The following PBX3 variants were observed in gnomAD, a reference collection of about 807,000 sequenced individuals.
PBX3 encodes PBX homeobox 3.
Under a neutral mutation model 48.5 loss-of-function variants are expected in PBX3, and 14 were observed. The ratio of observed to expected loss-of-function variants is 0.29; its 90% CI spans 0.19 to 0.45. The LOEUF (loss-of-function observed/expected upper bound fraction) is 0.45. Ranked by LOEUF, PBX3 falls within the 20% of genes least tolerant of loss-of-function variation. PBX3 has a pLI of 1.00. For missense variants in PBX3, 386 were observed against 546.7 expected (o/e 0.71, Z 2.93); for synonymous variants, 210 against 200.3 (o/e 1.05, Z -0.41).
At chr9:125,840,425 A>G (rs976495540) in intron 2 of PBX3, among the ~76,000 whole-genome samples, 4 of 151,590 alleles carry the variant, frequency 2.6e-5, no homozygotes, top group South Asian at 2.1e-4. Context: ...GTGTAGTAAC[A>G]TATTTTTTTC....
At chr9:125,748,798 C>G in intron 2 of PBX3, 175 bp downstream of exon 2, 2 of 515,856 alleles carry the variant, frequency 3.9e-6, no homozygotes, top group Non-Finnish European at 7.0e-6. Flanking sequence ...GTCAATTTCT[C>G]AGTTCTGCTC....
chr9:125,944,658 A>G (rs925910287), intron 5 of PBX3, among the ~76,000 whole-genome samples: 2 of 152,214 alleles, frequency 1.3e-5, no homozygotes, highest in African/African-American at 4.8e-5. Flanking sequence ...AGAAGGATGA[A>G]TAAGACTTTG....
intron 4 of PBX3, among the ~76,000 whole-genome samples, chr9:125,933,939 T>C (rs1841776189): frequency 6.6e-6 from 1 of 152,144 alleles, no homozygotes; most frequent in African/African-American, 2.4e-5. Context: ...CGGGACCTTG[T>C]CTTTCTTTTC....
intron 2 of PBX3, among the ~76,000 whole-genome samples, chr9:125,836,009 G>A (rs1839123000): frequency 6.6e-6 from 1 of 152,206 alleles, no homozygotes; most frequent in African/African-American, 2.4e-5. Context: ...ATAGTGGAAT[G>A]TTATTTAGCC....
chr9:125,883,476 A>G (rs1324711699), intron 2 of PBX3, among the ~76,000 whole-genome samples: 2 of 152,200 alleles, frequency 1.3e-5, no homozygotes, highest in Non-Finnish European at 2.9e-5. Flanking sequence ...CAAGTTGGTA[A>G]CCTTCTTTAT....
At chr9:125,806,455 G>A (rs1245567324) in intron 2 of PBX3, among the ~76,000 whole-genome samples, 5 of 152,198 alleles carry the variant, frequency 3.3e-5, no homozygotes, top group African/African-American at 7.2e-5. Flanking sequence ...TGTCTGGTCA[G>A]GGCCAGGCTT....
intron 2 of PBX3, among the ~76,000 whole-genome samples, chr9:125,827,981 T>A (rs1838856419): frequency 6.6e-6 from 1 of 152,152 alleles, no homozygotes; most frequent in Non-Finnish European, 1.5e-5. Flanking sequence ...TTTGGAAGGA[T>A]CAGAAACTAA....
intron 2 of PBX3, among the ~76,000 whole-genome samples, chr9:125,789,812 A>G (rs1043913996): frequency 1.3e-5 from 2 of 152,110 alleles, no homozygotes; most frequent in African/African-American, 2.4e-5. Flanking sequence ...AAATATTCCT[A>G]TTGTGGCTAT....
chr9:125,804,097 C>A (rs1838048750), intron 2 of PBX3, among the ~76,000 whole-genome samples: 1 of 152,134 alleles, frequency 6.6e-6, no homozygotes, highest in African/African-American at 2.4e-5. Context: ...TGTCAGTAGC[C>A]TACTCTCAGA....
intron 2 of PBX3, among the ~76,000 whole-genome samples, chr9:125,877,990 A>G (rs1445350911): frequency 2.0e-5 from 3 of 152,180 alleles, no homozygotes; most frequent in Non-Finnish European, 2.9e-5. Context: ...TAGCAGCTTT[A>G]TATTCCATTC....
chr9:125,807,926 T>C (rs1838174953), intron 2 of PBX3, among the ~76,000 whole-genome samples: 2 of 152,198 alleles, frequency 1.3e-5, no homozygotes, highest in South Asian at 4.1e-4. Context: ...TATACATCAG[T>C]TTTTAATTAA....
At chr9:125,805,367 CAG>C (rs1838096833) in intron 2 of PBX3, among the ~76,000 whole-genome samples, 1 of 152,014 alleles carries the variant, frequency 6.6e-6, no homozygotes, top group African/African-American at 2.4e-5. Context: ...GGGTTCTGGG[CAG>C]AGTGAGGAAT....
At chr9:125,763,652 G>C (rs1239624335) in intron 2 of PBX3, among the ~76,000 whole-genome samples, 1 of 152,152 alleles carries the variant, frequency 6.6e-6, no homozygotes, top group East Asian at 1.9e-4. Context: ...AGCGAACGGT[G>C]CTGTAACAAT....
intron 2 of PBX3, among the ~76,000 whole-genome samples, chr9:125,859,750 C>A (rs900950295): frequency 1.1e-4 from 16 of 152,272 alleles, no homozygotes; most frequent in African/African-American, 3.9e-4. Context: ...TATTTGGTTA[C>A]AATTGTATGA....
chr9:125,848,475 C>G (rs1839488495), intron 2 of PBX3, among the ~76,000 whole-genome samples: 1 of 151,838 alleles, frequency 6.6e-6, no homozygotes, highest in Non-Finnish European at 1.5e-5. Flanking sequence ...CCCTCAATAT[C>G]TAGTACTGTG....
chr9:125,792,664 T>C (rs1837645450), intron 2 of PBX3, among the ~76,000 whole-genome samples: 1 of 151,902 alleles, frequency 6.6e-6, no homozygotes, highest in Non-Finnish European at 1.5e-5. Context: ...TGGATAAATT[T>C]TATTATTATT....
chr9:125,921,333 T>C (rs1261633190), intron 3 of PBX3, among the ~76,000 whole-genome samples: 1 of 152,212 alleles, frequency 6.6e-6, no homozygotes, highest in East Asian at 1.9e-4. Flanking sequence ...ACTCTTTTTT[T>C]TTCAACTTCT....
At chr9:125,771,697 A>G (rs528845771) in intron 2 of PBX3, among the ~76,000 whole-genome samples, 6 of 152,310 alleles carry the variant, frequency 3.9e-5, no homozygotes, top group South Asian at 2.1e-4. Flanking sequence ...AATATCTAGT[A>G]TAATGCCTGG....
intron 2 of PBX3, among the ~76,000 whole-genome samples, chr9:125,795,625 C>T (rs1470798148): frequency 2.0e-5 from 3 of 152,000 alleles, no homozygotes; most frequent in African/African-American, 7.3e-5. Flanking sequence ...AATCAGATTC[C>T]ACTATTAATA....
Sources: allele counts gnomAD v4.1 joint callset (sites outside exome capture counted in the v4.1 genomes callset), GRCh38; gene constraint gnomAD v4.1.1; transcripts MANE v1.5; gene names NCBI Gene and HGNC (gene_info 2026-07-23, HGNC 2026-07-21).